Variants in HSF2BP observed in about 807,000 individuals in gnomAD.
HSF2BP encodes the protein heat shock transcription factor 2 binding protein, also known as heat shock factor 2-binding protein.
Under a neutral mutation model 35.0 loss-of-function variants are expected in HSF2BP, and 35 were observed. That is an observed-to-expected ratio of 1.00 (90% CI 0.76 to 1.32). The LOEUF is 1.32. Among genes scored for constraint, HSF2BP ranks in the 40% most tolerant of loss-of-function variants. The pLI is 0.00. For missense variants in HSF2BP, 326 were observed against 321.7 expected (o/e 1.01, Z -0.10); for synonymous variants, 114 against 117.4 (o/e 0.97, Z 0.18).
rs114849572 is a variant in HSF2BP, at chr21:43,578,071, T to C, written c.796+14154A>G. Among the ~76,000 whole-genome samples, 366 of 152,310 alleles carry C rather than the reference T, an allele frequency of 2.4e-3. 4 individuals carry two copies. The highest frequency in any genetic ancestry group is 8.5e-3 in the African/African-American group (353 of 41,562). ...ACTCGGCCTGCCTGCACCTTGTTGCTCACACAAAGCCTGTTTGGTGGACTC... is the reference window on the plus strand; with the variant it reads ...ACTCGGCCTGCCTGCACCTTGTTGCCCACACAAAGCCTGTTTGGTGGACTC... On this transcript the variant is annotated intron_variant, in intron 8 of 8. Transcript: ENST00000291560.
intron 6 of HSF2BP, among the ~76,000 whole-genome samples, chr21:43,624,056 C>T (rs934714066): frequency 1.3e-5 from 2 of 152,218 alleles, no homozygotes; most frequent in Non-Finnish European, 1.5e-5. Flanking sequence ...TAAAATGGTA[C>T]AGTCACTGTG....
intron 4 of HSF2BP, among the ~76,000 whole-genome samples, chr21:43,642,432 C>T (rs868403715): frequency 6.6e-6 from 1 of 152,158 alleles, no homozygotes; most frequent in South Asian, 2.1e-4. Flanking sequence ...TCAACAGAGA[C>T]TACAGCAAAG....
chr21:43,638,193 C>T (rs2082590536), intron 4 of HSF2BP, among the ~76,000 whole-genome samples: 1 of 152,136 alleles, frequency 6.6e-6, no homozygotes, highest in Admixed American at 6.6e-5. Flanking sequence ...GGTGCGGTGG[C>T]TCACACCTGT....
At chr21:43,652,848 G>A (rs1449935702) in intron 3 of HSF2BP, among the ~76,000 whole-genome samples, 1 of 152,038 alleles carries the variant, frequency 6.6e-6, no homozygotes, top group Non-Finnish European at 1.5e-5. Flanking sequence ...AGAAAGAAGG[G>A]CATCAGGCCA....
the HSF2BP span, among the ~76,000 whole-genome samples, chr21:43,506,110 G>A: frequency 2.3e-5 from 3 of 133,254 alleles, no homozygotes; most frequent in Admixed American, 7.3e-5. Flanking sequence ...CGAGTGTGCC[G>A]GCTCTTCCTT....
At chr21:43,647,291 A>G (rs1414728812) in intron 3 of HSF2BP, among the ~76,000 whole-genome samples, 1 of 151,948 alleles carries the variant, frequency 6.6e-6, no homozygotes, top group African/African-American at 2.4e-5. Flanking sequence ...CAGTGGCACG[A>G]TCTCAGCTCA....
At chr21:43,582,523 G>A (rs1189079610) in intron 8 of HSF2BP, among the ~76,000 whole-genome samples, 15 of 104,726 alleles carry the variant, frequency 1.4e-4, no homozygotes, top group African/African-American at 2.7e-4. Context: ...GAGATGAAGG[G>A]CCTGCTGAGG....
intron 8 of HSF2BP, among the ~76,000 whole-genome samples, chr21:43,589,614 A>G (rs1457219324): frequency 1.3e-5 from 2 of 152,238 alleles, no homozygotes; most frequent in African/African-American, 4.8e-5. Flanking sequence ...AAGATTTATT[A>G]TAAAGCTATC....
chr21:43,597,973 C>G lies in HSF2BP; in HGVS notation c.693-5645G>C, dbSNP rs190454704. On this transcript the variant is annotated intron_variant, in intron 7 of 8. Coordinates refer to ENST00000291560, the MANE Select transcript of HSF2BP (RefSeq NM_007031.2). The surrounding 1 kb of genome is among the most constrained non-coding windows in gnomAD (Gnocchi z 4.3). ...CATAGAAAATTTCTATTGTAGTTCTCTATTAAAATCTCTGGTTTCCCCACT... is the reference window on the plus strand; with the variant it reads ...CATAGAAAATTTCTATTGTAGTTCTGTATTAAAATCTCTGGTTTCCCCACT... 5.3e-4 allele frequency among the ~76,000 whole-genome samples: 80 copies of G among 152,314 alleles called. No individual in the cohort carries two copies. The highest frequency in any genetic ancestry group is 1.9e-3 in the African/African-American group (77 of 41,572).
chr21:43,578,292 C>T (rs2081671198), intron 8 of HSF2BP, among the ~76,000 whole-genome samples: 1 of 151,952 alleles, frequency 6.6e-6, no homozygotes, highest in African/African-American at 2.4e-5. Context: ...GATGCCTGGG[C>T]CCTGCTCCAT....
At chr21:43,589,434 C>T (rs756318430) in intron 8 of HSF2BP, among the ~76,000 whole-genome samples, 1 of 152,112 alleles carries the variant, frequency 6.6e-6, no homozygotes, top group Non-Finnish European at 1.5e-5. Flanking sequence ...AATTATCCCC[C>T]AAAATGAACT....
intron 6 of HSF2BP, 135 bp downstream of exon 6, chr21:43,630,187 A>G: frequency 1.5e-6 from 1 of 646,594 alleles, no homozygotes; most frequent in South Asian, 2.2e-5. Flanking sequence ...AGACTACAGT[A>G]TAGTGTAAAC....
chr21:43,591,004 C>T (rs908275779), intron 8 of HSF2BP, among the ~76,000 whole-genome samples: 1 of 151,846 alleles, frequency 6.6e-6, no homozygotes, highest in African/African-American at 2.4e-5. Flanking sequence ...TATTACATGT[C>T]GATTACACAT....
chr21:43,621,335 T>C (rs907446098), intron 6 of HSF2BP, among the ~76,000 whole-genome samples: 1 of 152,188 alleles, frequency 6.6e-6, no homozygotes, highest in African/African-American at 2.4e-5. Context: ...GAGACCAGTC[T>C]GGCCAACATG....
rs1601660981 is a variant in HSF2BP, at chr21:43,609,023, G to A, written c.692+4807C>T. ...ATAGCAAAGACATAGAATCAACCCAGGTGTCCATCAACAGTGGATTGGATA... is the reference window on the plus strand; with the variant it reads ...ATAGCAAAGACATAGAATCAACCCAAGTGTCCATCAACAGTGGATTGGATA... On this transcript the variant is annotated intron_variant, in intron 7 of 8. Transcript: ENST00000291560. Among the ~76,000 whole-genome samples the A allele has an allele frequency of 2.6e-5, 4 of 152,096 alleles. No individual in the cohort carries two copies. In the East Asian group the frequency reaches 7.7e-4, roughly 29 times the overall value.
intron 6 of HSF2BP, among the ~76,000 whole-genome samples, chr21:43,621,645 C>A (rs1327302578): frequency 6.6e-6 from 1 of 152,046 alleles, no homozygotes; most frequent in Non-Finnish European, 1.5e-5. Context: ...CAAAGCCATC[C>A]TTCAAATATG....
chr21:43,572,613 CT>C (rs2081591104), intron 8 of HSF2BP, among the ~76,000 whole-genome samples: 1 of 152,254 alleles, frequency 6.6e-6, no homozygotes, highest in African/African-American at 2.4e-5. Context: ...TCTCCAGCTG[CT>C]CCCTGGCACT....
At chr21:43,644,132 C>T (rs2082677088) in intron 4 of HSF2BP, among the ~76,000 whole-genome samples, 157 bp downstream of exon 4, 1 of 152,176 alleles carries the variant, frequency 6.6e-6, no homozygotes, top group South Asian at 2.1e-4. Flanking sequence ...TCCATCTGTT[C>T]AACTACATTC....
chr21:43,632,764 G>A (rs2082498216), intron 5 of HSF2BP, among the ~76,000 whole-genome samples: 1 of 152,178 alleles, frequency 6.6e-6, no homozygotes. Flanking sequence ...TATGTTGTCA[G>A]TAAGGCTTCC....
Sources: allele counts gnomAD v4.1 joint callset (sites outside exome capture counted in the v4.1 genomes callset), GRCh38; gene constraint gnomAD v4.1.1; non-coding constraint Gnocchi (gnomAD v3.1); transcripts MANE v1.5; gene names NCBI Gene and HGNC (gene_info 2026-07-23, HGNC 2026-07-21).